The following CNTN1 variants were observed in gnomAD, a reference collection of about 807,000 sequenced individuals.
CNTN1 encodes contactin-1.
In CNTN1, 38 loss-of-function variants were observed where a neutral mutation model predicts 126.4. That is an observed-to-expected ratio of 0.30 (90% CI 0.23 to 0.39). The LOEUF is 0.39. CNTN1 is among the 10% of genes least tolerant of loss of function. CNTN1 has a pLI of 1.00. For missense variants in CNTN1, 1,009 were observed against 1,248.4 expected (o/e 0.81, Z 2.89); for synonymous variants, 413 against 422.6 (o/e 0.98, Z 0.28).
In CNTN1 at chr12:40,789,768, T is replaced by G. The variant is rs188873575; in HGVS notation, c.-77+97176T>G. ...CATGTTGTAAATTCTTCAAAAATATTATTTTAATGCTATACTTTATATAAT... is the reference window on the plus strand; with the variant it reads ...CATGTTGTAAATTCTTCAAAAATATGATTTTAATGCTATACTTTATATAAT... On this transcript the variant is annotated intron_variant, in intron 1 of 23. Coordinates refer to ENST00000551295, the MANE Select transcript of CNTN1 (RefSeq NM_001843.4). 6.0e-4 allele frequency among the ~76,000 whole-genome samples: 92 copies of G among 152,300 alleles called. 1 individual carries two copies. Among genetic ancestry groups the G allele is most frequent in the African/African-American group, 2.1e-3 (88 of 41,576 alleles).
chr12:40,784,103 T>G (rs568932130), intron 1 of CNTN1, among the ~76,000 whole-genome samples: 62 of 152,278 alleles, frequency 4.1e-4, no homozygotes, highest in Non-Finnish European at 8.4e-4. Context: ...GTGCTATTAC[T>G]CATTTTGACT....
chr12:40,765,429 C>T (rs1939042974), intron 1 of CNTN1, among the ~76,000 whole-genome samples: 1 of 152,110 alleles, frequency 6.6e-6, no homozygotes, highest in Non-Finnish European at 1.5e-5. Flanking sequence ...AATAGTATCA[C>T]CTGGACAGAG....
At chr12:40,696,016 C>G (rs1048073261) in intron 1 of CNTN1, among the ~76,000 whole-genome samples, 1 of 152,138 alleles carries the variant, frequency 6.6e-6, no homozygotes, top group African/African-American at 2.4e-5. Flanking sequence ...CGAACATCAG[C>G]AAGTCAACTG....
rs1948792539 is a variant in CNTN1 at position 41,016,871 on chromosome 12, G to A, written c.2374G>A (p.Asp792Asn). 6.2e-7 allele frequency: 1 copy of A among 1,614,006 alleles called. No homozygotes were observed. The highest frequency in any genetic ancestry group is 1.7e-5 in the Admixed American group (1 of 60,000). ...AGTCAAGGCCTTCAACAACAAAGGA[G>A]ATGGACCTTACAGCCTAGTAGCAGT... ...VKVKAFNNKG[D>N]GPYSLVAVIN... Residue 792 changes from aspartate to asparagine, a missense_variant, in exon 19 of 24, where the codon GAT (aspartate) becomes AAT (asparagine). Asp to Asn is a conservative substitution (Grantham distance 23, BLOSUM62 1). Transcript: ENST00000551295.
At chr12:40,813,812 C>T (rs1288970472) in intron 1 of CNTN1, among the ~76,000 whole-genome samples, 1 of 152,198 alleles carries the variant, frequency 6.6e-6, no homozygotes, top group Non-Finnish European at 1.5e-5. Context: ...TTCCCACCAA[C>T]AGTGTAAAAA....
intron 1 of CNTN1, among the ~76,000 whole-genome samples, chr12:40,749,502 A>T (rs536058186): frequency 3.7e-4 from 57 of 152,258 alleles, no homozygotes; most frequent in African/African-American, 1.3e-3. Flanking sequence ...GAATATAAGT[A>T]TAATTCAATA....
At chr12:40,981,557 C>T (rs1947822526) in intron 16 of CNTN1, among the ~76,000 whole-genome samples, 1 of 152,048 alleles carries the variant, frequency 6.6e-6, no homozygotes, top group Admixed American at 6.6e-5. Flanking sequence ...TGAATTTCCT[C>T]AAAACAGATT....
intron 1 of CNTN1, among the ~76,000 whole-genome samples, chr12:40,731,543 T>C (rs116390704): frequency 0.012 from 1,763 of 152,110 alleles, 22 homozygotes; most frequent in African/African-American, 0.04. Context: ...GTACATATTC[T>C]TTAGATATTT....
Position 40,929,803 on chromosome 12 carries a change from T to G in CNTN1, c.504T>G (p.Leu168=). 6.2e-7 allele frequency: 1 copy of G among 1,611,116 alleles called. No homozygotes were observed. The highest frequency in any genetic ancestry group is 8.5e-7 in the Non-Finnish European group (1 of 1,177,944). ...GGCAATATTTTCTCCTAGATGATCTTAGCTATCGCTGGCTTCTAAATGAAT... is the reference window on the plus strand; with the variant it reads ...GGCAATATTTTCTCCTAGATGATCTGAGCTATCGCTGGCTTCTAAATGAAT... ...CDPPYHFPDD[L]SYRWLLNEFP... The change falls in exon 7 of 24, where the codon CTT becomes CTG. Residue 168 remains leucine (L), a synonymous_variant. Transcript: ENST00000551295.
Position 40,781,319 on chromosome 12 carries a change from C to T in CNTN1, c.-77+88727C>T, listed in dbSNP as rs559774208. ...TATAAGCCACCAGAAGACACAATAGCACTGCACTCTCACACTTGGGTCTCT... is the reference window on the plus strand; with the variant it reads ...TATAAGCCACCAGAAGACACAATAGTACTGCACTCTCACACTTGGGTCTCT... On this transcript the variant is annotated intron_variant, in intron 1 of 23. Transcript: ENST00000551295. 6.6e-5 allele frequency among the ~76,000 whole-genome samples: 10 copies of T among 152,056 alleles called. 1 individual carries two copies. The South Asian group carries it at 2.1e-3, about 32-fold the overall frequency.
chr12:40,996,384 G>T (rs1026172987), intron 17 of CNTN1, among the ~76,000 whole-genome samples: 3 of 151,970 alleles, frequency 2.0e-5, no homozygotes, highest in African/African-American at 7.3e-5. Context: ...CACCCACCTT[G>T]GCCTCCCAAA....
At chr12:40,963,992 A>G (rs1947204332) in intron 15 of CNTN1, among the ~76,000 whole-genome samples, 1 of 152,138 alleles carries the variant, frequency 6.6e-6, no homozygotes, top group South Asian at 2.1e-4. Flanking sequence ...CAACATTCAA[A>G]AATAGACCAT....
chr12:40,724,528 T>G (rs917731934), intron 1 of CNTN1, among the ~76,000 whole-genome samples: 2 of 152,216 alleles, frequency 1.3e-5, no homozygotes, highest in African/African-American at 2.4e-5. Flanking sequence ...TAAAATTATT[T>G]CATTCTCCTT....
In CNTN1 at chr12:40,977,220, T is replaced by C. The variant is rs574833868; in HGVS notation, c.1805-3689T>C. On this transcript the variant is annotated intron_variant, in intron 15 of 23. Transcript: ENST00000551295. ...GATTGGCAATTGGTTGAAAGAGTTA[T>C]TACCAATAGAAAAGAATGTCTGTAT... Among the ~76,000 whole-genome samples the C allele has an allele frequency of 3.9e-5, 6 of 152,240 alleles. No individual in the cohort carries two copies. The East Asian group carries it at 1.2e-3, about 29-fold the overall frequency.
At chr12:40,797,449 T>C (rs955509889) in intron 1 of CNTN1, among the ~76,000 whole-genome samples, 1 of 151,816 alleles carries the variant, frequency 6.6e-6, no homozygotes, top group Non-Finnish European at 1.5e-5. Flanking sequence ...ACAGAGAGTA[T>C]GTTAGGATAG....
intron 23 of CNTN1, among the ~76,000 whole-genome samples, chr12:41,045,575 A>T (rs949308188): frequency 3.3e-5 from 5 of 152,140 alleles, no homozygotes; most frequent in Non-Finnish European, 7.3e-5. Context: ...CTGGAAAGTG[A>T]TATGTCAACA....
rs572564568 is a variant in CNTN1, at chr12:40,941,530, T to C, written c.1379+2045T>C. 1.4e-4 allele frequency among the ~76,000 whole-genome samples: 22 copies of C among 152,254 alleles called. No individual in the cohort carries two copies. The East Asian group carries it at 3.9e-3, about 27-fold the overall frequency. The stretch of plus-strand genomic sequence containing the variant: ...GATATTTGGAAGAAGCTATGTATCT[T>C]GATAAATAGTAATTAGGTTTTCATT... On this transcript the variant is annotated intron_variant, in intron 12 of 23. Transcript: ENST00000551295.
intron 1 of CNTN1, among the ~76,000 whole-genome samples, chr12:40,769,059 T>A (rs1213638431): frequency 6.6e-6 from 1 of 152,064 alleles, no homozygotes; most frequent in Non-Finnish European, 1.5e-5. Flanking sequence ...CTACAGAAGG[T>A]CTGAGTGGGT....
rs74344726 is a variant in CNTN1 at position 40,722,547 on chromosome 12, C to G, written c.-77+29955C>G. Among the ~76,000 whole-genome samples, 573 of 152,224 alleles carry G rather than the reference C, an allele frequency of 3.8e-3. 1 individual carries two copies. Among genetic ancestry groups the G allele is most frequent in the Non-Finnish European group, 6.8e-3 (463 of 68,012 alleles). ...GATTCGTGACAGTAAACTCCACTCT[C>G]AAACAGAGAGTCAAAATAGTTATTG... On this transcript the variant is annotated intron_variant, in intron 1 of 23. Coordinates refer to ENST00000551295, the MANE Select transcript of CNTN1 (RefSeq NM_001843.4).
Sources: allele counts gnomAD v4.1 joint callset (sites outside exome capture counted in the v4.1 genomes callset), GRCh38; gene constraint gnomAD v4.1.1; transcripts MANE v1.5; gene names NCBI Gene and HGNC (gene_info 2026-07-23, HGNC 2026-07-21).